ROBO1: variants seen among roughly 807,000 people sequenced by gnomAD.
ROBO1 encodes the protein roundabout homolog 1.
A neutral mutation model predicts 195.9 loss-of-function variants in ROBO1; 149 were observed. The ratio of observed to expected loss-of-function variants is 0.76; its 90% CI spans 0.67 to 0.87. The LOEUF (loss-of-function observed/expected upper bound fraction) is 0.87, where lower values mean the gene tolerates loss of function less well. Ranked by LOEUF, ROBO1 falls within the 40% of genes least tolerant of loss-of-function variation. ROBO1 has a pLI of 0.00. For missense variants in ROBO1, 1,933 were observed against 2,068.3 expected (o/e 0.93, Z 1.27); for synonymous variants, 816 against 733.2 (o/e 1.11, Z -1.82).
chr3:78,792,033 T>G (rs556429139), intron 4 of ROBO1, among the ~76,000 whole-genome samples: 58 of 152,302 alleles, frequency 3.8e-4, no homozygotes, highest in African/African-American at 1.4e-3. Context: ...CTTCAGGCTG[T>G]GCTACAGGGG....
intron 3 of ROBO1, among the ~76,000 whole-genome samples, chr3:78,995,844 G>C (rs1157445277): frequency 6.6e-6 from 1 of 151,264 alleles, no homozygotes; most frequent in East Asian, 1.9e-4. Context: ...CCCTAAATTA[G>C]AGAATAAAAA....
At chr3:79,063,996 A>G (rs1193485953) in intron 3 of ROBO1, among the ~76,000 whole-genome samples, 3 of 151,836 alleles carry the variant, frequency 2.0e-5, no homozygotes, top group African/African-American at 7.2e-5. Context: ...TCACAGTTAT[A>G]CAGGAAGAGA....
At chr3:78,617,529 A>T in intron 27 of ROBO1, 106 bp downstream of exon 27, 2 of 1,189,790 alleles carry the variant, frequency 1.7e-6, no homozygotes, top group Non-Finnish European at 2.3e-6. Context: ...AAACTGTAAG[A>T]ATAGATGCTT....
chr3:79,584,285 C>CAT (rs200544976), intron 2 of ROBO1, among the ~76,000 whole-genome samples: 46 of 144,686 alleles, frequency 3.2e-4, no homozygotes, highest in Admixed American at 1.1e-3. Context: ...TATATTACTA[C>CAT]ATATATATAT....
At chr3:78,756,735 A>G (rs967868159) in intron 4 of ROBO1, among the ~76,000 whole-genome samples, 1 of 152,152 alleles carries the variant, frequency 6.6e-6, no homozygotes, top group Non-Finnish European at 1.5e-5. Flanking sequence ...AAAACAAATA[A>G]AGGAGATACT....
intron 3 of ROBO1, among the ~76,000 whole-genome samples, chr3:78,945,749 G>A (rs577531276): frequency 8.9e-4 from 135 of 152,206 alleles, no homozygotes; most frequent in African/African-American, 3.1e-3. Flanking sequence ...CAAACCAATG[G>A]CAAAGAAGTT....
chr3:79,385,366 G>C (rs1287538660), intron 2 of ROBO1, among the ~76,000 whole-genome samples: 2 of 152,070 alleles, frequency 1.3e-5, no homozygotes, highest in Non-Finnish European at 2.9e-5. Flanking sequence ...AATTCAAGAA[G>C]TTTATGACCA....
intron 3 of ROBO1, chr3:79,018,288 G>T: frequency 8.9e-7 from 1 of 1,122,294 alleles, no homozygotes; most frequent in Non-Finnish European, 1.3e-6. Context: ...AGCAGGAATC[G>T]AGCCCCTCCG....
At chr3:79,706,557 G>A (rs1947775942) in intron 1 of ROBO1, among the ~76,000 whole-genome samples, 1 of 152,022 alleles carries the variant, frequency 6.6e-6, no homozygotes, top group African/African-American at 2.4e-5. Context: ...ATCTTTTGTT[G>A]TGGGAGGGAC....
chr3:79,067,032 TA>T (rs754423690), intron 3 of ROBO1, among the ~76,000 whole-genome samples: 9 of 151,832 alleles, frequency 5.9e-5, no homozygotes, highest in East Asian at 3.9e-4. Context: ...TAGATACCAT[TA>T]AAAAAATGTG....
chr3:79,529,867 T>G (rs987569998), intron 2 of ROBO1, among the ~76,000 whole-genome samples: 1 of 152,228 alleles, frequency 6.6e-6, no homozygotes, highest in African/African-American at 2.4e-5. Context: ...AATTAGAATG[T>G]AATAAATAAA....
chr3:79,564,557 A>C (rs9838793), intron 2 of ROBO1, among the ~76,000 whole-genome samples: 84,650 of 151,894 alleles, frequency 0.56, 24,559 homozygotes, highest in African/African-American at 0.73. Flanking sequence ...ATATTTTATG[A>C]ATTGAATGTG....
chr3:78,733,137 A>C (rs1662571201), intron 5 of ROBO1, among the ~76,000 whole-genome samples: 1 of 152,176 alleles, frequency 6.6e-6, no homozygotes, highest in East Asian at 1.9e-4. Flanking sequence ...CCTCACCATA[A>C]AACTTAGAAT....
At chr3:78,916,779 A>C (rs1266222125) in intron 4 of ROBO1, among the ~76,000 whole-genome samples, 1 of 152,124 alleles carries the variant, frequency 6.6e-6, no homozygotes, top group Non-Finnish European at 1.5e-5. Flanking sequence ...TATCTAGCTT[A>C]GTTCACGTGG....
chr3:79,215,095 C>A (rs1368972922), intron 2 of ROBO1, among the ~76,000 whole-genome samples: 1 of 151,984 alleles, frequency 6.6e-6, no homozygotes, highest in Non-Finnish European at 1.5e-5. Context: ...GGTATCTGGA[C>A]CATCTGTAGG....
chr3:79,399,670 C>T (rs957345800), intron 2 of ROBO1, among the ~76,000 whole-genome samples: 2 of 152,150 alleles, frequency 1.3e-5, no homozygotes, highest in African/African-American at 4.8e-5. Context: ...ATCTCACACT[C>T]CATAAAATTT....
At chr3:79,751,382 G>A (rs148844729) in intron 1 of ROBO1, among the ~76,000 whole-genome samples, 1 of 152,020 alleles carries the variant, frequency 6.6e-6, no homozygotes, top group African/African-American at 2.4e-5. Flanking sequence ...ATATTCTATA[G>A]CACTGCAATA....
chr3:79,581,944 T>A (rs114084262), intron 2 of ROBO1, among the ~76,000 whole-genome samples: 227 of 152,134 alleles, frequency 1.5e-3, no homozygotes, highest in African/African-American at 5.2e-3. Context: ...TGAGTGTTAC[T>A]TTTAACTTGG....
At chr3:78,679,421 A>C (rs1575915802) in intron 10 of ROBO1, among the ~76,000 whole-genome samples, 1 of 152,172 alleles carries the variant, frequency 6.6e-6, no homozygotes, top group South Asian at 2.1e-4. Flanking sequence ...GTATATCTAC[A>C]AAAACCCCAT....
Sources: allele counts gnomAD v4.1 joint callset (sites outside exome capture counted in the v4.1 genomes callset), GRCh38; gene constraint gnomAD v4.1.1; transcripts MANE v1.5; gene names NCBI Gene and HGNC (gene_info 2026-07-23, HGNC 2026-07-21).